Variants in PEBP4 observed in about 807,000 individuals in gnomAD.
PEBP4 encodes phosphatidylethanolamine-binding protein 4.
A neutral mutation model predicts 23.9 loss-of-function variants in PEBP4; 22 were observed. The observed-to-expected ratio is 0.92, with a 90% CI of 0.66 to 1.31. The LOEUF is 1.31. PEBP4 is among the 40% of genes most tolerant of loss of function. The pLI is 0.00. For missense variants in PEBP4, 324 were observed against 281.7 expected (o/e 1.15, Z -1.07); for synonymous variants, 112 against 99.3 (o/e 1.13, Z -0.76).
intron 3 of PEBP4, chr8:22,895,568 G>A (rs769263308): frequency 6.6e-6 from 1 of 152,038 alleles, no homozygotes; most frequent in Non-Finnish European, 1.5e-5. Context: ...TGGACTTGTG[G>A]TATGTTGCCT....
At chr8:22,924,760 A>T (rs969537922) in intron 2 of PEBP4, 2 of 985,306 alleles carry the variant, frequency 2.0e-6, no homozygotes, top group East Asian at 2.3e-4. Flanking sequence ...GGTTTGGAGA[A>T]TCATGGTTCT....
At chr8:22,772,735 C>T (rs1805741064) in intron 4 of PEBP4, among the ~76,000 whole-genome samples, 1 of 152,120 alleles carries the variant, frequency 6.6e-6, no homozygotes, top group South Asian at 2.1e-4. Flanking sequence ...GGGACCCAGG[C>T]CCTACTGTCT....
At chr8:22,914,194 G>A (rs1371261307) in intron 3 of PEBP4, among the ~76,000 whole-genome samples, 1 of 152,068 alleles carries the variant, frequency 6.6e-6, no homozygotes, top group Non-Finnish European at 1.5e-5. Flanking sequence ...CACCATGTTT[G>A]CCAGGCTGAT....
At chr8:22,857,031 TA>T (rs1024044021) in intron 3 of PEBP4, among the ~76,000 whole-genome samples, 2 of 151,772 alleles carry the variant, frequency 1.3e-5, no homozygotes, top group Non-Finnish European at 2.9e-5. Context: ...ACTATGATGT[TA>T]AAAAAAAGCA....
At chr8:22,728,700 C>T (rs547744428) in intron 4 of PEBP4, among the ~76,000 whole-genome samples, 1 of 151,908 alleles carries the variant, frequency 6.6e-6, no homozygotes, top group South Asian at 2.1e-4. Flanking sequence ...CAGGTTCAAG[C>T]GATTCTCCTG....
chr8:22,863,776 C>T (rs941494049), intron 3 of PEBP4, among the ~76,000 whole-genome samples: 1 of 152,118 alleles, frequency 6.6e-6, no homozygotes, highest in African/African-American at 2.4e-5. Context: ...TCCATCTGAG[C>T]GATGATACCT....
intron 3 of PEBP4, among the ~76,000 whole-genome samples, chr8:22,882,189 C>T (rs1322689034): frequency 6.6e-6 from 1 of 152,252 alleles, no homozygotes; most frequent in Non-Finnish European, 1.5e-5. Context: ...CATCCTATCA[C>T]TTTTCAGGGA....
At chr8:22,860,061 GA>G (rs1340822667) in intron 3 of PEBP4, among the ~76,000 whole-genome samples, 1 of 145,174 alleles carries the variant, frequency 6.9e-6, no homozygotes, top group Non-Finnish European at 1.5e-5. Flanking sequence ...GGCTGCAAAT[GA>G]GCTATGATCA....
intron 1 of PEBP4, among the ~76,000 whole-genome samples, chr8:22,934,820 A>G (rs778574455): frequency 6.6e-6 from 1 of 152,266 alleles, no homozygotes; most frequent in Non-Finnish European, 1.5e-5. Flanking sequence ...GTCAAAAGTT[A>G]TAAACTGGCA....
chr8:22,739,001 A>G (rs1019718976), intron 4 of PEBP4, among the ~76,000 whole-genome samples: 2 of 152,148 alleles, frequency 1.3e-5, no homozygotes, highest in African/African-American at 4.8e-5. Flanking sequence ...TGAAGCTGGG[A>G]CCATGCAATT....
At chr8:22,742,343 A>C (rs2128750659) in intron 4 of PEBP4, among the ~76,000 whole-genome samples, 1 of 152,332 alleles carries the variant, frequency 6.6e-6, no homozygotes, top group Middle Eastern at 3.4e-3. Flanking sequence ...GGCCTGCACC[A>C]GCGGGGTGGG....
At chr8:22,933,153 T>C (rs191919754) in intron 1 of PEBP4, among the ~76,000 whole-genome samples, 2 of 152,300 alleles carry the variant, frequency 1.3e-5, no homozygotes, top group Non-Finnish European at 2.9e-5. Flanking sequence ...TCATGTGCAA[T>C]GCTCTAATCT....
chr8:22,731,723 A>G (rs1804740618), intron 4 of PEBP4, among the ~76,000 whole-genome samples: 1 of 151,674 alleles, frequency 6.6e-6, no homozygotes, highest in Admixed American at 6.6e-5. Context: ...CAGTGGCACG[A>G]TCTCGGCTCA....
Position 22,713,286 on chromosome 8 carries a change from G to T in PEBP4, c.*84C>A, listed in dbSNP as rs569356839. 3.4e-6 allele frequency: 5 copies of T among 1,467,674 alleles called. No homozygotes were observed. Among genetic ancestry groups the T allele is most frequent in the East Asian group, 2.5e-5 (1 of 40,766 alleles). The allele number at this position is 1,467,674 out of a possible 1,614,324, so 90.9% of individuals were successfully genotyped here. Reference sequence around the variant, plus strand: ...TTTTTTTTTTATTTGGAAAAGAAGGGGTTCTGTATCCAGAGGGGGTTCCAT... The same window carrying T: ...TTTTTTTTTTATTTGGAAAAGAAGGTGTTCTGTATCCAGAGGGGGTTCCAT... On this transcript the variant is annotated 3_prime_UTR_variant, in exon 7 of 7. Transcript: ENST00000256404.
chr8:22,761,062 C>T (rs558705696), intron 4 of PEBP4, among the ~76,000 whole-genome samples: 1 of 152,296 alleles, frequency 6.6e-6, no homozygotes, highest in South Asian at 2.1e-4. Context: ...AGATCTCCAT[C>T]TCCTCCTGGC....
In PEBP4 at chr8:22,883,136, A is replaced by T. The variant is rs533180873; in HGVS notation, c.258+37048T>A. Among the ~76,000 whole-genome samples the T allele has an allele frequency of 2.6e-5, 4 of 152,282 alleles. No individual in the cohort carries two copies. In the South Asian group the frequency reaches 8.3e-4, roughly 32 times the overall value. On this transcript the variant is annotated intron_variant, in intron 3 of 6. Coordinates refer to ENST00000256404, the MANE Select transcript of PEBP4 (RefSeq NM_144962.3). Reference sequence around the variant, plus strand: ...TTAAAACAAATCCCCGACACCATCAAAACAACAGGGGCATCTATAGAAAGC... The same window carrying T: ...TTAAAACAAATCCCCGACACCATCATAACAACAGGGGCATCTATAGAAAGC...
At chr8:22,816,362 G>C (rs974030333) in intron 4 of PEBP4, among the ~76,000 whole-genome samples, 5 of 152,178 alleles carry the variant, frequency 3.3e-5, no homozygotes, top group African/African-American at 1.2e-4. Context: ...AGGGGCCCCG[G>C]TCACTGGGCC....
At chr8:22,794,900 T>C (rs1469619789) in intron 4 of PEBP4, among the ~76,000 whole-genome samples, 1 of 152,036 alleles carries the variant, frequency 6.6e-6, no homozygotes, top group East Asian at 1.9e-4. Context: ...ACTTTGATTA[T>C]GGTCTGATAA....
chr8:22,929,002 A>G (rs573256159), upstream of PEBP4, among the ~76,000 whole-genome samples: 1 of 152,150 alleles, frequency 6.6e-6, no homozygotes, highest in Non-Finnish European at 1.5e-5. Flanking sequence ...AGGTTCTCTG[A>G]AGTACAACCA....
Sources: allele counts gnomAD v4.1 joint callset (sites outside exome capture counted in the v4.1 genomes callset), GRCh38; gene constraint gnomAD v4.1.1; transcripts MANE v1.5; gene names NCBI Gene and HGNC (gene_info 2026-07-23, HGNC 2026-07-21).